Variants in ZNF860 observed in about 807,000 individuals in gnomAD.
ZNF860 encodes zinc finger protein 860.
For synonymous variants in ZNF860, 206 were observed against 248.9 expected, an observed-to-expected ratio of 0.83 and a Z score of 1.62; for missense variants, 641 against 759.2, an observed-to-expected ratio of 0.84 and a Z score of 1.83.
In ZNF860 at chr3:31,990,533, A is replaced by G. The variant is rs1699014557; in HGVS notation, c.1454A>G (p.Asn485Ser). ...IHTGEKPYKC[N>S]ECGKTFRHNS... ...ACTGGAGAGAAACCTTACAAGTGTAATGAGTGTGGCAAGACCTTCCGTCAC... is the reference window on the plus strand; with the variant it reads ...ACTGGAGAGAAACCTTACAAGTGTAGTGAGTGTGGCAAGACCTTCCGTCAC... Residue 485 changes from asparagine to serine, a missense_variant, in exon 2 of 2, where the codon AAT (asparagine) becomes AGT (serine). Asn to Ser is a conservative substitution (Grantham distance 46). Transcript: ENST00000360311. 6.2e-7 allele frequency: 1 copy of G among 1,612,964 alleles called. No individual in the cohort carries two copies. The highest frequency in any genetic ancestry group is 8.5e-7 in the Non-Finnish European group (1 of 1,179,826).
At chr3:31,992,648 C>G (rs1352701377), downstream of ZNF860, among the ~76,000 whole-genome samples, 1 of 152,128 alleles carries the variant, frequency 6.6e-6, no homozygotes, top group Admixed American at 6.5e-5. Context: ...ATTGAGCACA[C>G]CTGGATGATC....
downstream of ZNF860, among the ~76,000 whole-genome samples, chr3:31,994,999 A>G (rs1324547217): frequency 6.6e-6 from 1 of 152,174 alleles, no homozygotes; most frequent in Non-Finnish European, 1.5e-5. Flanking sequence ...TTTATTCAGG[A>G]TTTCAAAAGG....
downstream of ZNF860, among the ~76,000 whole-genome samples, chr3:31,995,895 TTAA>T (rs1699086550): frequency 6.6e-6 from 1 of 152,176 alleles, no homozygotes; most frequent in South Asian, 2.1e-4. Context: ...AAAGCCGCTG[TTAA>T]TAACCATCCA....
chr3:31,990,451 G>A lies in ZNF860; in HGVS notation c.1372G>A (p.Glu458Lys), dbSNP rs1559544556. 3.2e-6 allele frequency: 5 copies of A among 1,569,110 alleles called. No homozygotes were observed. In the Admixed American group the frequency reaches 5.1e-5, roughly 16 times the overall value. ...HTGEKPYKCNECGKTFHHNSA... is the reference protein window; with the variant it reads ...HTGEKPYKCNKCGKTFHHNSA... ...TGGAGAGAAACCTTACAAGTGTAAT[G>A]AGTGTGGCAAGACCTTCCATCACAA... Residue 458 changes from glutamate (E) to lysine (K), a missense_variant, in exon 2 of 2, where the codon GAG (glutamate) becomes AAG (lysine). Coordinates refer to ENST00000360311, the MANE Select transcript of ZNF860 (RefSeq NM_001137674.3).
intron 1 of ZNF860, among the ~76,000 whole-genome samples, chr3:31,985,174 G>C (rs900884040): frequency 6.6e-6 from 1 of 152,200 alleles, no homozygotes; most frequent in African/African-American, 2.4e-5. Flanking sequence ...AGAAGGCAGA[G>C]GTTGCAGTGA....
intron 1 of ZNF860, chr3:31,986,163 G>C (rs34706964): frequency 0.16 from 25,022 of 152,214 alleles, 2,296 homozygotes; most frequent in South Asian, 0.32. Flanking sequence ...GAGAGAAGCA[G>C]TACAGGTGTT....
chr3:31,982,803 G>A (rs1698877107), intron 1 of ZNF860, among the ~76,000 whole-genome samples: 1 of 152,198 alleles, frequency 6.6e-6, no homozygotes, highest in Non-Finnish European at 1.5e-5. Context: ...AATAAACTAT[G>A]CAAGAATGTT....
Position 31,990,109 on chromosome 3 carries a change from T to C in ZNF860, c.1030T>C (p.Cys344Arg). Reference protein sequence around the residue: ...RIHTGEKPYKCKVCEKAFRRD... With the variant: ...RIHTGEKPYKRKVCEKAFRRD... ...TCATACTGGAGAGAAACCATACAAATGTAAGGTTTGTGAAAAGGCTTTCAG... is the reference window on the plus strand; with the variant it reads ...TCATACTGGAGAGAAACCATACAAACGTAAGGTTTGTGAAAAGGCTTTCAG... Residue 344 changes from cysteine (C) to arginine (R), a missense_variant, in exon 2 of 2, where the codon TGT (cysteine) becomes CGT (arginine). Coordinates refer to ENST00000360311, the MANE Select transcript of ZNF860 (RefSeq NM_001137674.3). 1 of 1,611,692 alleles carries C rather than the reference T, an allele frequency of 6.2e-7. No individual in the cohort carries two copies. Among genetic ancestry groups the C allele is most frequent in the Non-Finnish European group, 8.5e-7 (1 of 1,178,596 alleles).
chr3:31,988,947 TA>T lies in ZNF860; in HGVS notation c.-131del, dbSNP rs1698982437. On this transcript the variant is annotated 5_prime_UTR_variant, in exon 2 of 2. Coordinates refer to ENST00000360311, the MANE Select transcript of ZNF860 (RefSeq NM_001137674.3). The stretch of plus-strand genomic sequence containing the variant: ...ACCCCGACCCACAGCGACTGTGAGA[TA>T]ATCAGTGTTTGTTGCCTTAAGCCAC... 3.4e-6 allele frequency: 4 copies of T among 1,162,006 alleles called. No individual in the cohort carries two copies. The East Asian group carries it at 7.5e-5, about 22-fold the overall frequency. The allele number at this position is 1,162,006 out of a possible 1,614,324, so 72.0% of individuals were successfully genotyped here.
the ZNF860 span, among the ~76,000 whole-genome samples, chr3:32,003,777 C>A: frequency 6.6e-6 from 1 of 152,104 alleles, no homozygotes; most frequent in African/African-American, 2.4e-5. Flanking sequence ...ACTGAGGGCA[C>A]CTCTCTCTGA....
At chr3:31,997,302 G>C in the ZNF860 span, among the ~76,000 whole-genome samples, 1 of 150,252 alleles carries the variant, frequency 6.7e-6, no homozygotes, top group Non-Finnish European at 1.5e-5. Flanking sequence ...CCCTCACTCT[G>C]TCGCCAGGCT....
At chr3:31,994,491 AGGATGGATGGAT>A (rs200832488), downstream of ZNF860, among the ~76,000 whole-genome samples, 84 of 149,764 alleles carry the variant, frequency 5.6e-4, no homozygotes, top group Non-Finnish European at 8.6e-4. Context: ...AGGGAAAAAA[AGGATGGATGGAT>A]GGATGGATGG....
In ZNF860 at chr3:31,988,835, C is replaced by G; in HGVS notation, c.-245C>G. On this transcript the variant is annotated 5_prime_UTR_variant, in exon 2 of 2. Coordinates refer to ENST00000360311, the MANE Select transcript of ZNF860 (RefSeq NM_001137674.3). ...TGGAAGTAGGTTGTCACCAGTCAAG[C>G]CTTGAGATGACTGCAGCCATGACCC... 7.2e-6 allele frequency: 4 copies of G among 556,018 alleles called. No individual in the cohort carries two copies. Among genetic ancestry groups the G allele is most frequent in the East Asian group, 3.0e-5 (1 of 33,446 alleles). 34.4% of individuals were successfully genotyped at this position (556,018 alleles called of 1,614,324 possible). A position where few individuals can be genotyped will look rare whatever the true frequency, so the allele number is the denominator to read the frequency against.
Position 31,989,730 on chromosome 3 carries a change from C to T in ZNF860, c.651C>T (p.Leu217=), listed in dbSNP as rs1321234540. 23 of 1,613,962 alleles carry T rather than the reference C, an allele frequency of 1.4e-5. No individual in the cohort carries two copies. The highest frequency in any genetic ancestry group is 1.9e-5 in the Non-Finnish European group (23 of 1,179,994). Residue 217 remains leucine (L), a synonymous_variant, in exon 2 of 2, where the codon CTC becomes CTT. Transcript: ENST00000360311. ...ATAATTTCTTCCATTCATCATTACT[C>T]ACACTAAAACAGGAAGTACACATAA... ...YENNFFHSSL[L]TLKQEVHIRE... is the part of the protein sequence containing the mutation.
downstream of ZNF860, among the ~76,000 whole-genome samples, chr3:31,996,020 AAAG>A: frequency 6.6e-6 from 1 of 152,314 alleles, no homozygotes; most frequent in Middle Eastern, 3.4e-3. Flanking sequence ...AAACTCAAAA[AAAG>A]GAGACTCCCA....
chr3:31,983,842 C>CA (rs1484773834), intron 1 of ZNF860, among the ~76,000 whole-genome samples: 2 of 152,136 alleles, frequency 1.3e-5, no homozygotes, highest in East Asian at 3.8e-4. Flanking sequence ...AATAAGTTGG[C>CA]AAAAAGTATT....
chr3:31,996,813 CA>C, the ZNF860 span, among the ~76,000 whole-genome samples: 2 of 151,970 alleles, frequency 1.3e-5, no homozygotes, highest in Admixed American at 1.3e-4. Flanking sequence ...AAATTTAAAA[CA>C]AAAAAAACTT....
chr3:31,986,839 C>T (rs930700042), intron 1 of ZNF860, among the ~76,000 whole-genome samples: 4 of 151,638 alleles, frequency 2.6e-5, no homozygotes, highest in Admixed American at 2.6e-4. Flanking sequence ...ACTCCATCTC[C>T]AAAAAAATTT....
chr3:32,001,338 G>T, the ZNF860 span, among the ~76,000 whole-genome samples: 1,586 of 152,226 alleles, frequency 0.01, 26 homozygotes, highest in African/African-American at 0.036. Context: ...TGATCTGTTG[G>T]TGTATTCTGT....
Sources: allele counts gnomAD v4.1 joint callset (sites outside exome capture counted in the v4.1 genomes callset), GRCh38; gene constraint gnomAD v4.1.1; transcripts MANE v1.5; gene names NCBI Gene and HGNC (gene_info 2026-07-23, HGNC 2026-07-21).